Variants in XRCC5 observed in about 807,000 individuals in gnomAD.
XRCC5 encodes the protein DNA repair protein Ku80.
A neutral mutation model predicts 95.7 loss-of-function variants in XRCC5; 12 were observed. That is an observed-to-expected ratio of 0.13 (90% CI 0.08 to 0.20). XRCC5 has a LOEUF of 0.20. Among genes scored for constraint, XRCC5 ranks in the 10% least tolerant of loss-of-function variants. XRCC5 has a pLI of 1.00. For synonymous variants in XRCC5, 281 were observed against 290.3 expected (o/e 0.97, Z 0.33); for missense variants, 595 against 873.9 (o/e 0.68, Z 4.02).
chr2:216,127,519 G>C lies in XRCC5; in HGVS notation c.799-17G>C. The C allele has an allele frequency of 6.3e-7, 1 of 1,575,322 alleles. No individual in the cohort carries two copies. Among genetic ancestry groups the C allele is most frequent in the Non-Finnish European group, 8.6e-7 (1 of 1,168,284 alleles). On this transcript the variant is annotated splice_polypyrimidine_tract_variant and intron_variant, in intron 7 of 20. Coordinates refer to ENST00000392132, the MANE Select transcript of XRCC5 (RefSeq NM_021141.4). ...TCCTAACTTTCCTTGTTTTCCCTTT[G>C]TGTTTTGGAATGTAAGATTCTACAG...
chr2:216,194,828 G>T, intron 18 of XRCC5, 91 bp from the exon 19 acceptor site: 1 of 1,202,130 alleles, frequency 8.3e-7, no homozygotes. Context: ...GAAATCTTCA[G>T]CTCAAAGGTG....
In XRCC5 at chr2:216,148,330, A is replaced by G. The variant is rs1033656875; in HGVS notation, c.1670+54A>G. On this transcript the variant is annotated intron_variant, in intron 14 of 20. Coordinates refer to ENST00000392132, the MANE Select transcript of XRCC5 (RefSeq NM_021141.4). ...ATTGGGGTACATAAGAGTTGTGGTC[A>G]TTTTAGAGTGGCTCTGGAAGTGTCA... 2.1e-5 allele frequency: 32 copies of G among 1,518,322 alleles called. No homozygotes were observed. The Admixed American group carries it at 6.5e-4, about 31-fold the overall frequency. The allele number at this position is 1,518,322 out of a possible 1,614,324, so 94.1% of individuals were successfully genotyped here.
chr2:216,110,715 G>C (rs1696571353), intron 1 of XRCC5, among the ~76,000 whole-genome samples: 1 of 152,216 alleles, frequency 6.6e-6, no homozygotes. Flanking sequence ...CATGACAAAA[G>C]TGCTTTAGTC....
chr2:216,115,768 C>T (rs962777899), intron 2 of XRCC5, among the ~76,000 whole-genome samples: 1 of 151,776 alleles, frequency 6.6e-6, no homozygotes, highest in Non-Finnish European at 1.5e-5. Context: ...CCAATTTTCC[C>T]ATTGTCTTAT....
rs750152992 is a variant in XRCC5 at position 216,160,155 on chromosome 2, C to T, written c.1758C>T (p.Val586=). 239 of 1,605,952 alleles carry T rather than the reference C, an allele frequency of 1.5e-4. No homozygotes were observed. Among genetic ancestry groups the T allele is most frequent in the Non-Finnish European group, 1.8e-4 (212 of 1,175,826 alleles). ...TCTCCAGTCTGGCTGAAGGCAGTGT[C>T]ACCTCTGTAAGCTAAGCTTTTCAAG... ...FSVSSLAEGS[V]TSVGSVNPAE... The change falls in exon 15 of 21, where the codon GTC becomes GTT. Residue 586 remains valine (V), a synonymous_variant. Transcript: ENST00000392132.
rs543611660 is a variant in XRCC5, at chr2:216,180,722, C to A, written c.1835-9503C>A. 3.7e-3 allele frequency among the ~76,000 whole-genome samples: 563 copies of A among 152,152 alleles called. 4 individuals are homozygous for A. Among genetic ancestry groups the A allele is most frequent in the South Asian group, 8.5e-3 (41 of 4,826 alleles). ...AGAAGGGCATTCTAAGGAAGGCAAC[C>A]ACCTAAGTGATGGCGTGTCCTGATG... is the stretch of plus-strand genomic sequence containing the variant. On this transcript the variant is annotated intron_variant, in intron 16 of 20. Coordinates refer to ENST00000392132, the MANE Select transcript of XRCC5 (RefSeq NM_021141.4).
At position 216,158,016 on chromosome 2, in the gene XRCC5, T is replaced by C. The variant is rs41301682; in HGVS notation, c.1671-2052T>C. On this transcript the variant is annotated intron_variant, in intron 14 of 20. Transcript: ENST00000392132. Reference sequence around the variant, plus strand: ...GAATATTAACCATACTAAATTTTACTGTGTTGTGCATATGACTGGGGCTAC... The same window carrying C: ...GAATATTAACCATACTAAATTTTACCGTGTTGTGCATATGACTGGGGCTAC... Among the ~76,000 whole-genome samples the C allele has an allele frequency of 1.5e-3, 229 of 152,326 alleles. 1 individual carries two copies. Among genetic ancestry groups the C allele is most frequent in the African/African-American group, 5.5e-3 (227 of 41,570 alleles).
intron 16 of XRCC5, among the ~76,000 whole-genome samples, chr2:216,164,793 A>G (rs903077014): frequency 6.6e-6 from 1 of 152,038 alleles, no homozygotes; most frequent in African/African-American, 2.4e-5. Context: ...TGGAAATGCC[A>G]GGTTTAAGTG....
intron 15 of XRCC5, 57 bp downstream of exon 15, chr2:216,160,218 G>GA: frequency 8.3e-7 from 1 of 1,203,606 alleles, no homozygotes; most frequent in South Asian, 1.4e-5. Context: ...GGGCTTGAGG[G>GA]AGAGTGCATC....
intron 6 of XRCC5, among the ~76,000 whole-genome samples, chr2:216,124,162 G>A (rs965634548): frequency 2.6e-5 from 4 of 152,196 alleles, no homozygotes; most frequent in Non-Finnish European, 5.9e-5. Context: ...GACAGCACTG[G>A]ACTAGATTAT....
chr2:216,129,743 A>G (rs929542064), intron 8 of XRCC5, among the ~76,000 whole-genome samples: 3 of 152,146 alleles, frequency 2.0e-5, no homozygotes, highest in Admixed American at 2.0e-4. Context: ...GTGTGATCTC[A>G]GCTCACTGCA....
chr2:216,141,540 C>CTTTTCTTT (rs1697169556), intron 13 of XRCC5, among the ~76,000 whole-genome samples: 2 of 65,000 alleles, frequency 3.1e-5, no homozygotes, highest in African/African-American at 1.5e-4. Flanking sequence ...TCTTTCTTTT[C>CTTTTCTTT]TTTTTTTTTT....
chr2:216,175,889 GT>G lies in XRCC5; in HGVS notation c.1834+13845del, dbSNP rs1313728857. On this transcript the variant is annotated intron_variant, in intron 16 of 20. Transcript: ENST00000392132. Reference sequence around the variant, plus strand: ...ATGTTCTCTTAACCCATCATCTGTAGTTTTAAAGCTCAGACCACCAATAAAC... The same window carrying G: ...ATGTTCTCTTAACCCATCATCTGTAGTTTAAAGCTCAGACCACCAATAAAC... The G allele has an allele frequency of 2.9e-5, 12 of 417,086 alleles. No individual in the cohort carries two copies. The East Asian group carries it at 8.9e-4, about 31-fold the overall frequency. The allele number at this position is 417,086 out of a possible 1,614,324, so 25.8% of individuals were successfully genotyped here. A position where few individuals can be genotyped will look rare whatever the true frequency, so the allele number is the denominator to read the frequency against.
intron 10 of XRCC5, among the ~76,000 whole-genome samples, chr2:216,136,799 CAA>C (rs1178811794): frequency 3.3e-5 from 5 of 152,024 alleles, no homozygotes; most frequent in Non-Finnish European, 7.4e-5. Context: ...GAAGGACAAA[CAA>C]AAGATTTGTT....
chr2:216,160,126 A>G lies in XRCC5; in HGVS notation c.1729A>G (p.Ser577Gly). Residue 577 changes from serine (S) to glycine (G), a missense_variant, in exon 15 of 21, where the codon AGC (serine) becomes GGC (glycine). By Grantham distance (56) the Ser-to-Gly change is moderately conservative (BLOSUM62 0). Around this residue, in one of 2 missense-constraint regions of XRCC5, gnomAD observed 309 missense variants for 382.9 expected, o/e 0.81. Coordinates refer to ENST00000392132, the MANE Select transcript of XRCC5 (RefSeq NM_021141.4). Reference sequence around the variant, plus strand: ...GACTGAGCAAGGGGGAGCCCACTTCAGCGTCTCCAGTCTGGCTGAAGGCAG... The same window carrying G: ...GACTGAGCAAGGGGGAGCCCACTTCGGCGTCTCCAGTCTGGCTGAAGGCAG... ...LKTEQGGAHF[S>G]VSSLAEGSVT... 6.2e-7 allele frequency: 1 copy of G among 1,609,412 alleles called. No homozygotes were observed.
chr2:216,110,367 C>A (rs1696564687), intron 1 of XRCC5: 1 of 152,146 alleles, frequency 6.6e-6, no homozygotes, highest in Admixed American at 6.5e-5. Context: ...GTTTGAGCAA[C>A]TGATCCCTAG....
At chr2:216,160,009 C>T (rs1416993384) in intron 14 of XRCC5, 59 bp from the exon 15 acceptor site, 5 of 784,440 alleles carry the variant, frequency 6.4e-6, no homozygotes, top group Non-Finnish European at 9.5e-6. Flanking sequence ...ATAAGTTTCA[C>T]AATAGCAATC....
chr2:216,109,469 G>A lies in XRCC5; in HGVS notation c.21+12G>A. On this transcript the variant is annotated intron_variant, in intron 1 of 20. Coordinates refer to ENST00000392132, the MANE Select transcript of XRCC5 (RefSeq NM_021141.4). ...GGTCGGGGAATAAGGTATAAAGAAA[G>A]CCATGGACTTGGGCTTTACCCGGAC... is the stretch of plus-strand genomic sequence containing the variant. 1.2e-6 allele frequency: 2 copies of A among 1,613,968 alleles called. No homozygotes were observed. The highest frequency in any genetic ancestry group is 1.7e-6 in the Non-Finnish European group (2 of 1,179,888).
intron 19 of XRCC5, among the ~76,000 whole-genome samples, chr2:216,195,256 CTT>C (rs1211886331): frequency 6.6e-6 from 1 of 152,198 alleles, no homozygotes; most frequent in Non-Finnish European, 1.5e-5. Flanking sequence ...AGTGCGCAAA[CTT>C]AGCCTCGGCC....
Sources: allele counts gnomAD v4.1 joint callset (sites outside exome capture counted in the v4.1 genomes callset), GRCh38; gene constraint gnomAD v4.1.1; regional missense constraint gnomAD v4.1.1; transcripts MANE v1.5; gene names NCBI Gene and HGNC (gene_info 2026-07-23, HGNC 2026-07-21).